OS9: variants seen among roughly 807,000 people sequenced by gnomAD.
OS9 encodes protein OS-9.
In OS9, 58 loss-of-function variants were observed where a neutral mutation model predicts 84.7. The observed-to-expected ratio is 0.68, with a 90% CI of 0.55 to 0.85. The LOEUF (loss-of-function observed/expected upper bound fraction) is 0.85. Among genes scored for constraint, OS9 ranks in the 40% least tolerant of loss-of-function variants. OS9 has a pLI of 0.00. For missense variants in OS9, 760 were observed against 850.9 expected (o/e 0.89, Z 1.33); for synonymous variants, 278 against 320.8 (o/e 0.87, Z 1.43).
At chr12:57,713,698 C>CT (rs1045862160) in intron 5 of OS9, among the ~76,000 whole-genome samples, 5,896 of 131,804 alleles carry the variant, frequency 0.045, 275 homozygotes, top group African/African-American at 0.12. Flanking sequence ...CCCCACCCCA[C>CT]TTTTTTTTTT....
Position 57,694,600 on chromosome 12 carries a change from C to T in OS9, c.163-150C>T, listed in dbSNP as rs1565763142. 7.3e-6 allele frequency: 6 copies of T among 818,756 alleles called. No individual in the cohort carries two copies. In the East Asian group the frequency reaches 1.3e-4, roughly 18 times the overall value. The allele number at this position is 818,756 out of a possible 1,614,324, so 50.7% of individuals were successfully genotyped here. A position where few individuals can be genotyped will look rare whatever the true frequency, so the allele number is the denominator to read the frequency against. On this transcript the variant is annotated intron_variant, in intron 1 of 14. Transcript: ENST00000315970. ...CCGTGGAGAAATGGGAGCGCCCTCT[C>T]CTCTCACCCACTAAATACAGCTGGA... is the stretch of plus-strand genomic sequence containing the variant.
At chr12:57,694,692 C>T (rs532627607) in intron 1 of OS9, 58 bp from the exon 2 acceptor site, 9 of 1,541,154 alleles carry the variant, frequency 5.8e-6, no homozygotes, top group Admixed American at 3.3e-5. Flanking sequence ...TTTCGTTGTT[C>T]TCCCTGATCC....
intron 3 of OS9, 36 bp from the exon 4 acceptor site, chr12:57,695,926 A>G: frequency 6.3e-7 from 1 of 1,583,584 alleles, no homozygotes; most frequent in Non-Finnish European, 8.7e-7. Flanking sequence ...TCCTCCTCTT[A>G]AGAGTAACAG....
chr12:57,705,860 C>T (rs569451537), intron 5 of OS9, among the ~76,000 whole-genome samples: 18 of 152,194 alleles, frequency 1.2e-4, no homozygotes, highest in African/African-American at 3.9e-4. Context: ...GGTACATGGT[C>T]ACATTATTGG....
chr12:57,708,926 A>C (rs1954250833), intron 5 of OS9, among the ~76,000 whole-genome samples: 1 of 152,194 alleles, frequency 6.6e-6, no homozygotes, highest in Non-Finnish European at 1.5e-5. Flanking sequence ...AACGTATGGG[A>C]ATGCTGATTT....
At chr12:57,711,199 A>C (rs2140318876) in intron 5 of OS9, among the ~76,000 whole-genome samples, 1 of 152,154 alleles carries the variant, frequency 6.6e-6, no homozygotes, top group Non-Finnish European at 1.5e-5. Context: ...TGTGATTACA[A>C]ACAATTATGA....
chr12:57,694,440 G>A (rs2140282040), intron 1 of OS9, 117 bp downstream of exon 1: 3 of 1,144,836 alleles, frequency 2.6e-6, no homozygotes, highest in Non-Finnish European at 3.8e-6. Flanking sequence ...GGAAGAGTAG[G>A]TATTGCTTTT....
chr12:57,696,807 G>GA lies in OS9; in HGVS notation c.579+445dup, dbSNP rs796839432. Among the ~76,000 whole-genome samples the GA allele has an allele frequency of 3.6e-3, 499 of 138,044 alleles. 1 individual carries two copies. Among genetic ancestry groups the GA allele is most frequent in the African/African-American group, 9.3e-3 (350 of 37,654 alleles). The allele number at this position is 138,044 out of a possible 152,430, so 90.6% of individuals were successfully genotyped here. On this transcript the variant is annotated intron_variant, in intron 5 of 14. Transcript: ENST00000315970. ...TGAGACTCTGTCTCAAAAAAGAAAAGAAAAAAAAAAACCCACATTATTTCC... is the reference window on the plus strand; with the variant it reads ...TGAGACTCTGTCTCAAAAAAGAAAAGAAAAAAAAAAAACCCACATTATTTCC...
chr12:57,701,419 G>A (rs981867395), intron 5 of OS9, among the ~76,000 whole-genome samples: 5 of 151,950 alleles, frequency 3.3e-5, no homozygotes, highest in African/African-American at 1.2e-4. Context: ...GGGACTATAG[G>A]TGCCCACCAC....
chr12:57,705,956 T>G (rs1458097070), intron 5 of OS9, among the ~76,000 whole-genome samples: 1 of 152,240 alleles, frequency 6.6e-6, no homozygotes, highest in Non-Finnish European at 1.5e-5. Flanking sequence ...ATTTTCTGTA[T>G]AGATAATTAT....
chr12:57,701,086 A>G (rs1954008914), intron 5 of OS9, among the ~76,000 whole-genome samples: 1 of 151,950 alleles, frequency 6.6e-6, no homozygotes, highest in South Asian at 2.1e-4. Context: ...CCCTCCCGCC[A>G]GAAACAACCA....
chr12:57,715,716 T>C (rs1325562709), intron 5 of OS9, 44 bp from the exon 6 acceptor site: 1 of 1,407,010 alleles, frequency 7.1e-7, no homozygotes, highest in East Asian at 2.3e-5. Flanking sequence ...CTAAAGCAAA[T>C]TATTGTTGGT....
chr12:57,694,453 G>A (rs1953762069), intron 1 of OS9, 130 bp downstream of exon 1: 2 of 1,015,814 alleles, frequency 2.0e-6, no homozygotes, highest in Non-Finnish European at 2.9e-6. Context: ...TTGCTTTTAC[G>A]GTGACCCCTG....
At chr12:57,719,445 A>T in intron 12 of OS9, 1 of 473,264 alleles carries the variant, frequency 2.1e-6, no homozygotes, top group Non-Finnish European at 3.8e-6. Context: ...AGTGCCTAGC[A>T]CTCTGCCTGG....
At position 57,716,421 on chromosome 12, in the gene OS9, C is replaced by T. The variant is rs367861778; in HGVS notation, c.902C>T (p.Pro301Leu). Residue 301 changes from proline (P) to leucine (L), a missense_variant, in exon 8 of 15, where the codon CCG (proline) becomes CTG (leucine). Coordinates refer to ENST00000315970, the MANE Select transcript of OS9 (RefSeq NM_006812.4). ...GTTCTCTGTACCCTAGGTGCGAGCC[C>T]GACCAAGGATGACAGTAAGGACTCA... ...VAPQKMAGAS[P>L]TKDDSKDSDF... The T allele has an allele frequency of 3.3e-5, 52 of 1,556,548 alleles. No homozygotes were observed. The South Asian group carries it at 4.1e-4, about 12-fold the overall frequency.
At chr12:57,708,614 T>C (rs1954241909) in intron 5 of OS9, among the ~76,000 whole-genome samples, 1 of 149,476 alleles carries the variant, frequency 6.7e-6, no homozygotes, top group Non-Finnish European at 1.5e-5. Context: ...AGCAAAAGAG[T>C]GACACTGTCT....
At position 57,704,259 on chromosome 12, in the gene OS9, G is replaced by A. The variant is rs765012972; in HGVS notation, c.579+7886G>A. ...ATATGTATAAAAGATATTAGTCGCC[G>A]GGAGTGGTGGCTCACACCTGTAATC... is the stretch of plus-strand genomic sequence containing the variant. On this transcript the variant is annotated intron_variant, in intron 5 of 14. Transcript: ENST00000315970. Among the ~76,000 whole-genome samples, 52 of 152,198 alleles carry A rather than the reference G, an allele frequency of 3.4e-4. No individual in the cohort carries two copies. The Middle Eastern group carries it at 0.01, about 30-fold the overall frequency.
intron 12 of OS9, 41 bp from the exon 13 acceptor site, chr12:57,720,058 C>T (rs1033764596): frequency 5.6e-6 from 9 of 1,595,638 alleles, no homozygotes; most frequent in East Asian, 2.2e-5. Context: ...CCTGGAGTCA[C>T]GCCTCTGCTT....
rs776427406 is a variant in OS9, at chr12:57,694,140, T to C, written c.-22T>C. 5 of 1,613,946 alleles carry C rather than the reference T, an allele frequency of 3.1e-6. No individual in the cohort carries two copies. The highest frequency in any genetic ancestry group is 4.2e-6 in the Non-Finnish European group (5 of 1,179,810). Reference sequence around the variant, plus strand: ...TGGCTTAGGGCGGAAACAGATTCTCTGCATAAGAAGGGGAACGAAAGATGG... The same window carrying C: ...TGGCTTAGGGCGGAAACAGATTCTCCGCATAAGAAGGGGAACGAAAGATGG... On this transcript the variant is annotated 5_prime_UTR_variant, in exon 1 of 15. Coordinates refer to ENST00000315970, the MANE Select transcript of OS9 (RefSeq NM_006812.4).
Sources: gnomAD v4.1 joint callset for allele counts (sites outside exome capture counted in the v4.1 genomes callset) on GRCh38, gnomAD v4.1.1 for gene constraint, MANE v1.5 for transcripts, NCBI Gene and HGNC (gene_info 2026-07-23, HGNC 2026-07-21) for gene names.